The following HDHD2 variants were observed in gnomAD, a reference collection of about 807,000 sequenced individuals.
The protein encoded by HDHD2 is haloacid dehalogenase like hydrolase domain containing 2, also known as haloacid dehalogenase-like hydrolase domain-containing protein 2.
Under a neutral mutation model 24.8 loss-of-function variants are expected in HDHD2, and 26 were observed. The ratio of observed to expected loss-of-function variants is 1.05; its 90% CI spans 0.77 to 1.45. HDHD2 has a LOEUF of 1.45. Among genes scored for constraint, HDHD2 ranks in the 40% most tolerant of loss-of-function variants. The pLI is 0.00. For synonymous variants in HDHD2, 128 were observed against 114.9 expected (o/e 1.11, Z -0.73); for missense variants, 299 against 313.4 (o/e 0.95, Z 0.35).
At chr18:47,135,372 C>G (rs1455175506) in intron 2 of HDHD2, among the ~76,000 whole-genome samples, 1 of 151,804 alleles carries the variant, frequency 6.6e-6, no homozygotes, top group Non-Finnish European at 1.5e-5. Context: ...AGTGATTCTC[C>G]TGCCTCAGCC....
intron 1 of HDHD2, among the ~76,000 whole-genome samples, chr18:47,142,278 T>TAAA (rs11431487): frequency 5.6e-4 from 84 of 148,938 alleles, no homozygotes; most frequent in Middle Eastern, 3.4e-3. Flanking sequence ...TTTCATTTCA[T>TAAA]AAAAAAAAAA....
At chr18:47,146,948 T>A (rs539517709) in intron 1 of HDHD2, among the ~76,000 whole-genome samples, 17 of 152,220 alleles carry the variant, frequency 1.1e-4, no homozygotes, top group Non-Finnish European at 2.4e-4. Flanking sequence ...ACCTAGACAA[T>A]GAGAATATGG....
intron 1 of HDHD2, among the ~76,000 whole-genome samples, chr18:47,149,612 G>C (rs553918059): frequency 7.2e-5 from 11 of 152,086 alleles, no homozygotes; most frequent in Non-Finnish European, 1.6e-4. Flanking sequence ...CCCTCGTTGC[G>C]GGACTTTTGT....
chr18:47,138,346 C>T (rs1052814968), intron 1 of HDHD2, among the ~76,000 whole-genome samples: 45 of 151,930 alleles, frequency 3.0e-4, no homozygotes, highest in Admixed American at 2.0e-3. Flanking sequence ...AATGTTCAAC[C>T]CAAGTTGAAG....
At chr18:47,132,107 ATT>A (rs1055638686) in intron 3 of HDHD2, among the ~76,000 whole-genome samples, 1 of 151,996 alleles carries the variant, frequency 6.6e-6, no homozygotes, top group African/African-American at 2.4e-5. Flanking sequence ...TTAGTTTTTC[ATT>A]TATCCTTCTT....
intron 1 of HDHD2, among the ~76,000 whole-genome samples, chr18:47,147,182 C>T (rs1325373533): frequency 6.6e-6 from 1 of 152,064 alleles, no homozygotes; most frequent in African/African-American, 2.4e-5. Flanking sequence ...AGTAAATCCC[C>T]GATTCTGTTT....
chr18:47,139,272 CA>C (rs1422293753), intron 1 of HDHD2, among the ~76,000 whole-genome samples: 1 of 149,952 alleles, frequency 6.7e-6, no homozygotes, highest in Non-Finnish European at 1.5e-5. Flanking sequence ...TCCTGGCTAA[CA>C]TGGTGAAACC....
chr18:47,146,522 G>A (rs993368878), intron 1 of HDHD2, among the ~76,000 whole-genome samples: 4 of 152,132 alleles, frequency 2.6e-5, no homozygotes, highest in Non-Finnish European at 5.9e-5. Context: ...CTTTCACAGT[G>A]TACCATGATA....
Position 47,144,833 on chromosome 18 carries a change from G to GA in HDHD2, c.-11+5544dup, listed in dbSNP as rs922590043. ...AAAAAAAGAAAAGAAAAGAAAAAAA[G>GA]AAAAAAAAACAACACAAAGAAATCA... On this transcript the variant is annotated intron_variant, in intron 1 of 6. Coordinates refer to ENST00000300605, the MANE Select transcript of HDHD2 (RefSeq NM_032124.5). 3.3e-4 allele frequency among the ~76,000 whole-genome samples: 47 copies of GA among 143,856 alleles called. 1 individual carries two copies. The highest frequency in any genetic ancestry group is 1.9e-3 in the East Asian group (9 of 4,848). 94.4% of individuals were successfully genotyped at this position (143,856 alleles called of 152,430 possible).
At chr18:47,124,519 C>T (rs988205672) in intron 4 of HDHD2, among the ~76,000 whole-genome samples, 2 of 151,484 alleles carry the variant, frequency 1.3e-5, no homozygotes, top group Non-Finnish European at 2.9e-5. Flanking sequence ...CCAGCCTGAC[C>T]AACACGGAGA....
At chr18:47,114,968 C>T (rs1225406436) in intron 5 of HDHD2, among the ~76,000 whole-genome samples, 164 bp downstream of exon 5, 2 of 151,994 alleles carry the variant, frequency 1.3e-5, no homozygotes, top group African/African-American at 4.8e-5. Flanking sequence ...TAGAAGAATA[C>T]CACTAAACAT....
At chr18:47,137,609 C>T (rs1001613628) in intron 1 of HDHD2, among the ~76,000 whole-genome samples, 2 of 152,160 alleles carry the variant, frequency 1.3e-5, no homozygotes, top group African/African-American at 4.8e-5. Context: ...ATTCAGCTAT[C>T]TTTACATTTC....
chr18:47,114,608 C>A (rs1489277438), intron 5 of HDHD2, among the ~76,000 whole-genome samples: 1 of 152,122 alleles, frequency 6.6e-6, no homozygotes, highest in Non-Finnish European at 1.5e-5. Flanking sequence ...CCAGCCAGGG[C>A]CTCCAATCAT....
In HDHD2 at chr18:47,134,704, C is replaced by T. The variant is rs765243357; in HGVS notation, c.102G>A (p.Arg34=). 5.6e-6 allele frequency: 9 copies of T among 1,612,738 alleles called. No individual in the cohort carries two copies. The highest frequency in any genetic ancestry group is 7.6e-6 in the Non-Finnish European group (9 of 1,179,172). Residue 34 remains arginine, a splice_region_variant and synonymous_variant, in exon 3 of 7, where the codon AGG becomes AGA. Coordinates refer to ENST00000300605, the MANE Select transcript of HDHD2 (RefSeq NM_032124.5). ...TAATGATTACAGAAGCACCACGTAA[C>T]CTGGAGAGGGCCAAATTCAGAAGTC... ...AVPGAQEALK[R]LRGASVIIRF...
At chr18:47,113,767 A>T (rs1599922615) in intron 5 of HDHD2, among the ~76,000 whole-genome samples, 1 of 152,122 alleles carries the variant, frequency 6.6e-6, no homozygotes, top group African/African-American at 2.4e-5. Flanking sequence ...TTTTTCCTTA[A>T]AAACCATTAA....
chr18:47,115,805 C>T lies in HDHD2; in HGVS notation c.396-457G>A, dbSNP rs188264108. ...AATATCTGAACTCCTGTTTCCTCTA[C>T]TCCAAAATGTAAGTTTCTTTTTAAT... On this transcript the variant is annotated intron_variant, in intron 4 of 6. Transcript: ENST00000300605. Among the ~76,000 whole-genome samples the T allele has an allele frequency of 7.9e-5, 12 of 152,310 alleles. No individual in the cohort carries two copies. In the East Asian group the frequency reaches 1.5e-3, roughly 20 times the overall value.
At chr18:47,136,886 G>A (rs565126586) in intron 1 of HDHD2, 108 of 407,570 alleles carry the variant, frequency 2.6e-4, no homozygotes, top group African/African-American at 2.0e-3. Flanking sequence ...GCCCTTCTTT[G>A]CTGCTGTAAC....
intron 4 of HDHD2, among the ~76,000 whole-genome samples, chr18:47,126,654 C>T (rs765505862): frequency 3.9e-5 from 6 of 151,966 alleles, no homozygotes; most frequent in African/African-American, 7.3e-5. Context: ...TCAGGTATAA[C>T]GATATTTTAA....
At chr18:47,122,342 T>C (rs750633545) in intron 4 of HDHD2, among the ~76,000 whole-genome samples, 7 of 152,188 alleles carry the variant, frequency 4.6e-5, no homozygotes, top group Non-Finnish European at 1.0e-4. Context: ...TTCAGCACTA[T>C]TTTAGGCCAG....
Sources: gnomAD v4.1 joint callset for allele counts (sites outside exome capture counted in the v4.1 genomes callset) on GRCh38, gnomAD v4.1.1 for gene constraint, MANE v1.5 for transcripts, NCBI Gene and HGNC (gene_info 2026-07-23, HGNC 2026-07-21) for gene names.